MICU3: variants seen among roughly 807,000 people sequenced by gnomAD.
MICU3 encodes the protein calcium uptake protein 3, mitochondrial.
MICU3 carries 62 observed loss-of-function variants against 66.5 expected under a neutral mutation model. That is an observed-to-expected ratio of 0.93 (90% CI 0.76 to 1.15). The LOEUF (loss-of-function observed/expected upper bound fraction) is 1.15, where lower values mean the gene tolerates loss of function less well. Ranked by LOEUF, MICU3 falls within the 50% of genes most tolerant of loss-of-function variation. The pLI is 0.00. For synonymous variants in MICU3, 308 were observed against 240.7 expected (o/e 1.28, Z -2.59); for missense variants, 779 against 664.4 (o/e 1.17, Z -1.90).
At chr8:17,049,376 A>T (rs1815661390) in intron 1 of MICU3, among the ~76,000 whole-genome samples, 1 of 152,148 alleles carries the variant, frequency 6.6e-6, no homozygotes, top group South Asian at 2.1e-4. Context: ...CCTGGAGTTG[A>T]GTAGCCAAAC....
the MICU3 span, among the ~76,000 whole-genome samples, chr8:17,130,794 AAATAG>A: frequency 6.6e-6 from 1 of 152,220 alleles, no homozygotes; most frequent in Non-Finnish European, 1.5e-5. Flanking sequence ...TGGGTACAAC[AAATAG>A]AATAAAATAG....
the MICU3 span, among the ~76,000 whole-genome samples, chr8:17,129,652 C>A: frequency 6.6e-6 from 1 of 152,036 alleles, no homozygotes; most frequent in Non-Finnish European, 1.5e-5. Flanking sequence ...CCTCAGTGAA[C>A]TATGGAACCA....
At chr8:17,138,570 T>C in the MICU3 span, among the ~76,000 whole-genome samples, 1 of 152,138 alleles carries the variant, frequency 6.6e-6, no homozygotes, top group East Asian at 1.9e-4. Context: ...TCACCTCACT[T>C]TTCGGTAATA....
At chr8:17,081,602 A>G in intron 4 of MICU3, 91 bp from the exon 5 acceptor site, 1 of 364,322 alleles carries the variant, frequency 2.7e-6, no homozygotes. Flanking sequence ...AATATCTAGC[A>G]TCTATTTTAA....
chr8:17,127,001 G>A (rs1247545347), downstream of MICU3, among the ~76,000 whole-genome samples: 1 of 152,156 alleles, frequency 6.6e-6, no homozygotes, highest in Non-Finnish European at 1.5e-5. Context: ...TTTCCTATAT[G>A]TGTATTATTT....
At chr8:17,040,934 G>T (rs1160725592) in intron 1 of MICU3, among the ~76,000 whole-genome samples, 3 of 152,184 alleles carry the variant, frequency 2.0e-5, no homozygotes, top group Non-Finnish European at 4.4e-5. Context: ...GCAATTCACT[G>T]AGACTAGGCC....
At chr8:17,131,523 A>G in the MICU3 span, 62,868 of 152,538 alleles carry the variant, frequency 0.41, 15,432 homozygotes, top group East Asian at 0.57. Context: ...CTAGGAGCCC[A>G]GCATGCCTGC....
At chr8:17,040,190 G>T (rs1193288713) in intron 1 of MICU3, among the ~76,000 whole-genome samples, 1 of 152,154 alleles carries the variant, frequency 6.6e-6, no homozygotes, top group African/African-American at 2.4e-5. Flanking sequence ...TTATAGGCAT[G>T]AGCCACTGTG....
Position 17,104,450 on chromosome 8 carries a change from A to G in MICU3, c.1044A>G (p.Gly348=). The G allele has an allele frequency of 1.4e-6, 2 of 1,464,194 alleles. No individual in the cohort carries two copies. The highest frequency in any genetic ancestry group is 1.8e-5 in the Admixed American group (1 of 54,800). 90.7% of individuals were successfully genotyped at this position (1,464,194 alleles called of 1,614,324 possible). A position where few individuals can be genotyped will look rare whatever the true frequency, so the allele number is the denominator to read the frequency against. ...TDTTLLVHFF[G]KKGKAELNFE... ...CTACACTTCTTGTACACTTTTTTGG[A>G]AAGAAAGGAAAAGCTGAGCTCAACT... The change falls in exon 10 of 15, where the codon GGA becomes GGG. Residue 348 remains glycine, a synonymous_variant. Transcript: ENST00000318063.
chr8:17,074,125 A>G (rs1329711517), intron 3 of MICU3, among the ~76,000 whole-genome samples: 1 of 151,048 alleles, frequency 6.6e-6, no homozygotes, highest in African/African-American at 2.4e-5. Flanking sequence ...TGACCTCGTG[A>G]TCCGCCCGCC....
rs942197225 is a variant in MICU3 at position 17,121,508 on chromosome 8, G to T, written c.*1221G>T. The T allele has an allele frequency of 6.6e-6, 1 of 151,980 alleles. No individual in the cohort carries two copies. Among genetic ancestry groups the T allele is most frequent in the African/African-American group, 2.4e-5 (1 of 41,376 alleles). 9.4% of individuals were successfully genotyped at this position (151,980 alleles called of 1,614,324 possible). A position where few individuals can be genotyped will look rare whatever the true frequency, so the allele number is the denominator to read the frequency against. On this transcript the variant is annotated 3_prime_UTR_variant, in exon 15 of 15. Coordinates refer to ENST00000318063, the MANE Select transcript of MICU3 (RefSeq NM_181723.3). ...ATACTACACAAAAATAGAACAATTA[G>T]TCTGAATTAACGTATTTACATATTG...
At chr8:17,044,173 A>G (rs1006424824) in intron 1 of MICU3, among the ~76,000 whole-genome samples, 5 of 152,184 alleles carry the variant, frequency 3.3e-5, no homozygotes, top group Admixed American at 2.0e-4. Flanking sequence ...ATTGGGTTGA[A>G]CATTGATGTT....
At position 17,084,459 on chromosome 8, in the gene MICU3, T is replaced by TG. The variant is rs1039167072; in HGVS notation, c.695-771dup. Among the ~76,000 whole-genome samples, 98 of 152,076 alleles carry TG rather than the reference T, an allele frequency of 6.4e-4. 1 individual carries two copies. Among genetic ancestry groups the TG allele is most frequent in the Non-Finnish European group, 3.7e-4 (25 of 67,974 alleles). On this transcript the variant is annotated intron_variant, in intron 5 of 14. Transcript: ENST00000318063. ...CAACAGGTGGTAGCAAATGTATCTGTGGGGGGTCCCTTTTTCAACTTTGTA... is the reference window on the plus strand; with the variant it reads ...CAACAGGTGGTAGCAAATGTATCTGTGGGGGGGTCCCTTTTTCAACTTTGTA...
chr8:17,133,993 T>A, the MICU3 span, among the ~76,000 whole-genome samples: 1 of 152,238 alleles, frequency 6.6e-6, no homozygotes, highest in Admixed American at 6.5e-5. Context: ...TGTAAATTCC[T>A]CTTTTTAATT....
At chr8:17,049,444 GT>G (rs1246764524) in intron 1 of MICU3, among the ~76,000 whole-genome samples, 1 of 152,198 alleles carries the variant, frequency 6.6e-6, no homozygotes, top group Non-Finnish European at 1.5e-5. Flanking sequence ...TCTTGATTCT[GT>G]GGGCCAAGGG....
chr8:17,072,614 GGTAA>G lies in MICU3; in HGVS notation c.567+2898_567+2901del, dbSNP rs370284083. On this transcript the variant is annotated intron_variant, in intron 3 of 14. Coordinates refer to ENST00000318063, the MANE Select transcript of MICU3 (RefSeq NM_181723.3). ...TGCATGCAACATATCAACAGAAGAG[GGTAA>G]GTGTCTTGCAGTCACGTAGAACCCC... Among the ~76,000 whole-genome samples the G allele has an allele frequency of 3.1e-4, 47 of 151,790 alleles. No homozygotes were observed. In the South Asian group the frequency reaches 5.9e-3, roughly 19 times the overall value.
At chr8:17,097,735 T>A (rs1466670875) in intron 8 of MICU3, among the ~76,000 whole-genome samples, 1 of 151,722 alleles carries the variant, frequency 6.6e-6, no homozygotes, top group African/African-American at 2.4e-5. Context: ...TATTTTTGTT[T>A]ATGGGGATCC....
At chr8:17,091,670 A>G (rs1800073407) in intron 8 of MICU3, among the ~76,000 whole-genome samples, 1 of 152,056 alleles carries the variant, frequency 6.6e-6, no homozygotes, top group South Asian at 2.1e-4. Context: ...CATATAAGTA[A>G]TTGTTTTGTT....
chr8:17,031,367 A>G (rs1453110074), intron 1 of MICU3, among the ~76,000 whole-genome samples: 1 of 150,956 alleles, frequency 6.6e-6, no homozygotes, highest in East Asian at 1.9e-4. Flanking sequence ...AGTCACTGGA[A>G]CTTCACCTCC....
Sources: gnomAD v4.1 joint callset for allele counts (sites outside exome capture counted in the v4.1 genomes callset) on GRCh38, gnomAD v4.1.1 for gene constraint, MANE v1.5 for transcripts, NCBI Gene and HGNC (gene_info 2026-07-23, HGNC 2026-07-21) for gene names.